The following C10orf67 variants were observed in gnomAD, a reference collection of about 807,000 sequenced individuals.
The protein encoded by C10orf67 is uncharacterized protein C10orf67, mitochondrial.
Under a neutral mutation model 35.6 loss-of-function variants are expected in C10orf67, and 60 were observed. The observed-to-expected ratio is 1.68, with a 90% confidence interval of 1.37 to 2.09. The LOEUF is 2.09. Among genes scored for constraint, C10orf67 ranks in the 30% most tolerant of loss-of-function variants. The pLI is 0.00. For missense variants in C10orf67, 474 were observed against 330.2 expected (o/e 1.44, Z -3.38); for synonymous variants, 167 against 115.8 (o/e 1.44, Z -2.84).
At chr10:23,307,029 G>T (rs748665788) in intron 4 of C10orf67, among the ~76,000 whole-genome samples, 3 of 152,140 alleles carry the variant, frequency 2.0e-5, no homozygotes, top group Non-Finnish European at 4.4e-5. Context: ...GCAACTAATT[G>T]CCTCAATAGA....
chr10:23,239,510 C>T lies in C10orf67; in HGVS notation c.1434+219G>A, dbSNP rs80118318. On this transcript the variant is annotated intron_variant, in intron 13 of 15. Coordinates refer to ENST00000636213, the MANE Select transcript of C10orf67 (RefSeq NM_001371909.1). ...GCCCCATTGTAGCTCAACCATATTG[C>T]GCTGTAGCAATTTGTTTACACATCT... Among the ~76,000 whole-genome samples, 471 of 152,296 alleles carry T rather than the reference C, an allele frequency of 3.1e-3. 14 individuals carry two copies. In the East Asian group the frequency reaches 0.05, roughly 16 times the overall value.
At chr10:23,227,647 T>C (rs1353607352) in intron 13 of C10orf67, among the ~76,000 whole-genome samples, 9 of 152,288 alleles carry the variant, frequency 5.9e-5, no homozygotes, top group Non-Finnish European at 1.3e-4. Flanking sequence ...GAAGTCAAAT[T>C]GTCCCTGTTT....
intron 10 of C10orf67, among the ~76,000 whole-genome samples, chr10:23,266,047 C>T (rs1842874404): frequency 6.6e-6 from 1 of 152,170 alleles, no homozygotes; most frequent in Non-Finnish European, 1.5e-5. Context: ...TTAGCTAAAT[C>T]AACTGCCTGG....
intron 12 of C10orf67, among the ~76,000 whole-genome samples, chr10:23,243,909 T>G (rs886344887): frequency 1.3e-5 from 2 of 152,056 alleles, no homozygotes; most frequent in African/African-American, 4.8e-5. Flanking sequence ...TTTTTTATCT[T>G]GAGAAAAGGT....
At chr10:23,282,138 T>G in intron 7 of C10orf67, 60 bp from the exon 8 acceptor site, 1 of 434,052 alleles carries the variant, frequency 2.3e-6, no homozygotes, top group Admixed American at 4.3e-5. Flanking sequence ...CTAAAATCCC[T>G]CCTCAAGAAA....
chr10:23,327,285 A>G (rs933335021), intron 2 of C10orf67, among the ~76,000 whole-genome samples: 2 of 152,188 alleles, frequency 1.3e-5, no homozygotes, highest in African/African-American at 4.8e-5. Context: ...TAATACTAAT[A>G]GAATAAATTA....
intron 2 of C10orf67, among the ~76,000 whole-genome samples, chr10:23,328,324 C>T (rs1588700971): frequency 1.3e-5 from 2 of 152,092 alleles, no homozygotes; most frequent in African/African-American, 4.8e-5. Flanking sequence ...GTCAAGTGAT[C>T]ATGTGATACA....
chr10:23,250,647 C>T lies in C10orf67; in HGVS notation c.1245G>A (p.Lys415=), dbSNP rs943671771. ...TCTTTTTCTCATTCTCTAAATTTGC[C>T]TTTAATGCTTCTATTTGAGACTCCA... The part of the protein sequence containing the change: ...HGLESQIEAL[K]ANLENEKKKV... The change falls in exon 11 of 16, where the codon AAG becomes AAA. Residue 415 remains lysine (K), a synonymous_variant. Transcript: ENST00000636213. 1 of 398,488 alleles carries T rather than the reference C, an allele frequency of 2.5e-6. No homozygotes were observed. The highest frequency in any genetic ancestry group is 2.1e-5 in the African/African-American group (1 of 48,612). 24.7% of individuals were successfully genotyped at this position (398,488 alleles called of 1,614,324 possible). A position where few individuals can be genotyped will look rare whatever the true frequency, so the allele number is the denominator to read the frequency against.
At chr10:23,329,276 C>G (rs1018649304) in intron 2 of C10orf67, among the ~76,000 whole-genome samples, 1 of 151,658 alleles carries the variant, frequency 6.6e-6, no homozygotes, top group African/African-American at 2.4e-5. Flanking sequence ...AGATACAATA[C>G]TTAAAAATAA....
intron 5 of C10orf67, among the ~76,000 whole-genome samples, chr10:23,292,544 C>T (rs1427989350): frequency 3.9e-5 from 6 of 152,086 alleles, no homozygotes; most frequent in Admixed American, 1.3e-4. Flanking sequence ...TAATTTCTCT[C>T]GACTGATTTC....
At chr10:23,324,886 C>A (rs981857978) in intron 2 of C10orf67, among the ~76,000 whole-genome samples, 13 of 152,136 alleles carry the variant, frequency 8.5e-5, no homozygotes, top group African/African-American at 2.7e-4. Flanking sequence ...GGTGTACTGG[C>A]ATCCTGGGAA....
chr10:23,242,914 A>T (rs1166247508), intron 12 of C10orf67, among the ~76,000 whole-genome samples: 1 of 152,100 alleles, frequency 6.6e-6, no homozygotes, highest in Non-Finnish European at 1.5e-5. Context: ...AAAGTAAATA[A>T]ATAAAGTATG....
chr10:23,326,470 C>T (rs1377269884), intron 2 of C10orf67, among the ~76,000 whole-genome samples: 1 of 152,048 alleles, frequency 6.6e-6, no homozygotes, highest in Non-Finnish European at 1.5e-5. Context: ...AAATTCTTTG[C>T]CTACAGTAGG....
intron 13 of C10orf67, among the ~76,000 whole-genome samples, chr10:23,239,407 C>T (rs1842124289): frequency 6.6e-6 from 1 of 152,176 alleles, no homozygotes; most frequent in Non-Finnish European, 1.5e-5. Context: ...CCCAATATTA[C>T]ATCCGTGGCC....
chr10:23,322,276 G>A (rs1220685943), intron 3 of C10orf67, 118 bp downstream of exon 3: 1 of 1,073,708 alleles, frequency 9.3e-7, no homozygotes, highest in African/African-American at 1.6e-5. Flanking sequence ...TACCACATGA[G>A]ACACAACTAA....
chr10:23,305,007 T>G (rs1043109655), intron 4 of C10orf67, among the ~76,000 whole-genome samples: 1 of 152,066 alleles, frequency 6.6e-6, no homozygotes, highest in African/African-American at 2.4e-5. Context: ...TCAACTGCAA[T>G]CCTGGAGGCA....
Position 23,228,559 on chromosome 10 carries a change from C to T in C10orf67, c.1435-4741G>A, listed in dbSNP as rs1054274362. Among the ~76,000 whole-genome samples, 11 of 152,266 alleles carry T rather than the reference C, an allele frequency of 7.2e-5. 1 individual carries two copies. The highest frequency in any genetic ancestry group is 2.4e-4 in the African/African-American group (10 of 41,556). ...GACTTCATCTCTAAAACACCAAAAG[C>T]AATGGCAACAAAAGCCAAAATTGAT... On this transcript the variant is annotated intron_variant, in intron 13 of 15. Transcript: ENST00000636213.
At position 23,344,590 on chromosome 10, in the gene C10orf67, G is replaced by C. The variant is rs1320005736; in HGVS notation, c.185C>G (p.Pro62Arg). The C allele has an allele frequency of 2.5e-6, 4 of 1,578,884 alleles. No individual in the cohort carries two copies. The highest frequency in any genetic ancestry group is 1.2e-5 in the South Asian group (1 of 86,134). The change falls in exon 1 of 16, where the codon CCG becomes CGG. Residue 62 changes from proline (P) to arginine (R), a missense_variant. Coordinates refer to ENST00000636213, the MANE Select transcript of C10orf67 (RefSeq NM_001371909.1). ...CTACCTCGTGGACCCGCGCATTTGC[G>C]GGGGCTTGAATTCCCGAGCTTCTCG... Reference protein sequence around the residue: ...RKREAREFKPPQMRGSTRLNI... With the variant: ...RKREAREFKPRQMRGSTRLNI...
intron 15 of C10orf67, among the ~76,000 whole-genome samples, chr10:23,210,612 G>T (rs1841282944): frequency 6.6e-6 from 1 of 152,044 alleles, no homozygotes; most frequent in Admixed American, 6.5e-5. Context: ...TAGAGACGGG[G>T]TTTCACCATG....
Sources: gnomAD v4.1 joint callset for allele counts (sites outside exome capture counted in the v4.1 genomes callset) on GRCh38, gnomAD v4.1.1 for gene constraint, MANE v1.5 for transcripts, NCBI Gene and HGNC (gene_info 2026-07-23, HGNC 2026-07-21) for gene names.